Variants in ZNF704 observed in about 807,000 individuals in gnomAD.
ZNF704 encodes the protein zinc finger protein 704.
ZNF704 carries 10 observed loss-of-function variants against 44.7 expected under a neutral mutation model. That is an observed-to-expected ratio of 0.22 (90% confidence interval 0.14 to 0.38). ZNF704 has a LOEUF of 0.38. Ranked by LOEUF, ZNF704 falls within the 10% of genes least tolerant of loss-of-function variation. The probability of loss-of-function intolerance (pLI) is 1.00; values close to 1 mark genes in which losing one functional copy is unlikely to be tolerated. For synonymous variants in ZNF704, 211 were observed against 207.6 expected (o/e 1.02, Z -0.14); for missense variants, 390 against 545.5 (o/e 0.71, Z 2.84).
At chr8:80,690,128 A>G (rs778939686) in intron 3 of ZNF704, among the ~76,000 whole-genome samples, 3 of 151,888 alleles carry the variant, frequency 2.0e-5, no homozygotes, top group Non-Finnish European at 4.4e-5. Flanking sequence ...TTTCTTACAG[A>G]CTAAATGAGA....
At chr8:80,770,783 C>T (rs1586015257) in intron 2 of ZNF704, among the ~76,000 whole-genome samples, 1 of 152,208 alleles carries the variant, frequency 6.6e-6, no homozygotes, top group Non-Finnish European at 1.5e-5. Flanking sequence ...GCCCTGAGTT[C>T]TAAAGATTTT....
At chr8:80,692,562 A>G (rs1326152047) in intron 3 of ZNF704, among the ~76,000 whole-genome samples, 1 of 152,218 alleles carries the variant, frequency 6.6e-6, no homozygotes, top group Non-Finnish European at 1.5e-5. Context: ...TAAATGAATG[A>G]CCTAAATAAT....
intron 2 of ZNF704, among the ~76,000 whole-genome samples, chr8:80,720,090 A>C (rs1819140428): frequency 6.6e-6 from 1 of 152,184 alleles, no homozygotes; most frequent in Admixed American, 6.5e-5. Flanking sequence ...GCCTGCCTCT[A>C]AAATCCACGC....
chr8:80,729,090 T>C (rs1288446348), intron 2 of ZNF704, among the ~76,000 whole-genome samples: 1 of 152,114 alleles, frequency 6.6e-6, no homozygotes, highest in Non-Finnish European at 1.5e-5. Flanking sequence ...GTTGAACTAT[T>C]TGAGCTAGGG....
At chr8:80,701,821 T>C (rs746243731) in intron 2 of ZNF704, among the ~76,000 whole-genome samples, 23 of 152,250 alleles carry the variant, frequency 1.5e-4, no homozygotes, top group Middle Eastern at 3.4e-3. Context: ...GTAGAGACTC[T>C]AGCAGGAGTG....
chr8:80,744,404 A>T (rs1806811622), intron 2 of ZNF704, among the ~76,000 whole-genome samples: 1 of 152,178 alleles, frequency 6.6e-6, no homozygotes, highest in Non-Finnish European at 1.5e-5. Context: ...CTATTTGAAA[A>T]TAACTCAATT....
intron 1 of ZNF704, among the ~76,000 whole-genome samples, chr8:80,827,941 C>A (rs200807745): frequency 3.3e-5 from 5 of 152,106 alleles, no homozygotes; most frequent in Non-Finnish European, 5.9e-5. Context: ...TTAAAGACTT[C>A]AATGTTAGAC....
intron 2 of ZNF704, among the ~76,000 whole-genome samples, chr8:80,804,168 T>C (rs1807947730): frequency 6.6e-6 from 1 of 151,970 alleles, no homozygotes; most frequent in African/African-American, 2.4e-5. Flanking sequence ...ATTAAAAAGT[T>C]AAAGAACAAT....
intron 1 of ZNF704, among the ~76,000 whole-genome samples, chr8:80,865,865 G>A (rs1192024331): frequency 6.6e-6 from 1 of 152,072 alleles, no homozygotes; most frequent in Non-Finnish European, 1.5e-5. Context: ...CTTTCAAGGA[G>A]AGTCTGAACA....
chr8:80,802,771 A>C (rs1333562641), intron 2 of ZNF704, among the ~76,000 whole-genome samples: 1 of 152,186 alleles, frequency 6.6e-6, no homozygotes, highest in Admixed American at 6.6e-5. Flanking sequence ...CCCCTTGAAA[A>C]CCAACACAAG....
intron 2 of ZNF704, among the ~76,000 whole-genome samples, chr8:80,739,987 G>A (rs868175197): frequency 9.2e-5 from 14 of 152,016 alleles, no homozygotes; most frequent in South Asian, 2.1e-4. Flanking sequence ...ACAGAACCCC[G>A]GGTATGCTTG....
intron 1 of ZNF704, among the ~76,000 whole-genome samples, chr8:80,855,927 T>C (rs1245642691): frequency 6.6e-6 from 1 of 152,224 alleles, no homozygotes; most frequent in African/African-American, 2.4e-5. Context: ...AAATGCTCTC[T>C]CATTTGGTCA....
chr8:80,662,073 A>T (rs1159364399), intron 6 of ZNF704, among the ~76,000 whole-genome samples: 1 of 152,204 alleles, frequency 6.6e-6, no homozygotes, highest in African/African-American at 2.4e-5. Context: ...ACGTATAAAT[A>T]TTAGGCATCA....
chr8:80,793,281 A>T (rs1203438761), intron 2 of ZNF704, among the ~76,000 whole-genome samples: 1 of 152,222 alleles, frequency 6.6e-6, no homozygotes, highest in African/African-American at 2.4e-5. Flanking sequence ...CGTGTGGAGA[A>T]GATGATACAT....
intron 2 of ZNF704, among the ~76,000 whole-genome samples, chr8:80,773,798 CCTTT>C (rs1320143309): frequency 1.1e-4 from 16 of 152,160 alleles, no homozygotes; most frequent in African/African-American, 3.6e-4. Context: ...CTTTGCTGAG[CCTTT>C]CTATTTTTTC....
intron 1 of ZNF704, among the ~76,000 whole-genome samples, chr8:80,857,175 T>C (rs1808977127): frequency 6.6e-6 from 1 of 152,170 alleles, no homozygotes; most frequent in African/African-American, 2.4e-5. Context: ...CATCTGCAAA[T>C]AGAAACAGCG....
At chr8:80,709,803 G>T (rs1818957066) in intron 2 of ZNF704, among the ~76,000 whole-genome samples, 1 of 152,218 alleles carries the variant, frequency 6.6e-6, no homozygotes, top group African/African-American at 2.4e-5. Context: ...CCCCAGGGAG[G>T]ATGGCCTCGG....
chr8:80,750,228 T>C (rs564295303), intron 2 of ZNF704, among the ~76,000 whole-genome samples: 138 of 152,160 alleles, frequency 9.1e-4, no homozygotes, highest in Non-Finnish European at 1.5e-3. Flanking sequence ...TTGTGTGCAA[T>C]TGGGGGCCAG....
At chr8:80,815,247 T>C (rs899156649) in intron 2 of ZNF704, among the ~76,000 whole-genome samples, 2 of 152,216 alleles carry the variant, frequency 1.3e-5, no homozygotes, top group Non-Finnish European at 2.9e-5. Context: ...ACTAACAATC[T>C]GTACTATTCT....
Sources: allele counts gnomAD v4.1 joint callset (sites outside exome capture counted in the v4.1 genomes callset), GRCh38; gene constraint gnomAD v4.1.1; transcripts MANE v1.5; gene names NCBI Gene and HGNC (gene_info 2026-07-23, HGNC 2026-07-21).